ERC2: variants seen among roughly 807,000 people sequenced by gnomAD.
The protein encoded by ERC2 is ELKS/RAB6-interacting/CAST family member 2, also known as ERC protein 2.
Under a neutral mutation model 114.8 loss-of-function variants are expected in ERC2, and 42 were observed. That is an observed-to-expected ratio of 0.37 (90% CI 0.29 to 0.47). ERC2 has a LOEUF of 0.47. Among genes scored for constraint, ERC2 ranks in the 20% least tolerant of loss-of-function variants. The probability of loss-of-function intolerance (pLI) is 0.99; values close to 1 mark genes in which losing one functional copy is unlikely to be tolerated. For synonymous variants in ERC2, 454 were observed against 425.5 expected (o/e 1.07, Z -0.82); for missense variants, 939 against 1,150.7 (o/e 0.82, Z 2.66).
intron 17 of ERC2, among the ~76,000 whole-genome samples, chr3:55,558,340 G>C (rs2055766370): frequency 6.6e-6 from 1 of 152,200 alleles, no homozygotes; most frequent in Admixed American, 6.5e-5. Context: ...AAAGAACCCA[G>C]AGTGGGGAAA....
At chr3:56,077,706 T>C (rs907582804) in intron 7 of ERC2, among the ~76,000 whole-genome samples, 7 of 152,216 alleles carry the variant, frequency 4.6e-5, no homozygotes, top group African/African-American at 1.7e-4. Context: ...CCTGGTGTCA[T>C]CATCCTAAAA....
intron 17 of ERC2, among the ~76,000 whole-genome samples, chr3:55,572,151 G>A (rs775188762): frequency 6.6e-6 from 1 of 152,220 alleles, no homozygotes; most frequent in South Asian, 2.1e-4. Context: ...TCCAGCTAGC[G>A]AGGAAAACAA....
chr3:55,602,471 C>G (rs1426321739), intron 17 of ERC2, among the ~76,000 whole-genome samples: 1 of 152,164 alleles, frequency 6.6e-6, no homozygotes, highest in Non-Finnish European at 1.5e-5. Context: ...AGGAAAACAA[C>G]CAAAAACAGG....
Position 56,240,799 on chromosome 3 carries a change from C to T in ERC2, c.1074+55220G>A, listed in dbSNP as rs111345304. ...AATACTTGTAGAATAAATGGAAAAACGAATGACTTTACAAACAACTTTCTT... is the reference window on the plus strand; with the variant it reads ...AATACTTGTAGAATAAATGGAAAAATGAATGACTTTACAAACAACTTTCTT... On this transcript the variant is annotated intron_variant, in intron 3 of 17. Transcript: ENST00000288221. 5.1e-3 allele frequency among the ~76,000 whole-genome samples: 775 copies of T among 152,200 alleles called. 6 individuals carry two copies. The highest frequency in any genetic ancestry group is 0.018 in the African/African-American group (735 of 41,530).
At chr3:56,062,554 G>C (rs1576764196) in intron 7 of ERC2, among the ~76,000 whole-genome samples, 1 of 152,102 alleles carries the variant, frequency 6.6e-6, no homozygotes, top group Middle Eastern at 3.4e-3. Context: ...ATGATACAAG[G>C]CCCTTTTTTC....
intron 2 of ERC2, among the ~76,000 whole-genome samples, chr3:56,329,069 C>T (rs1253061690): frequency 6.6e-6 from 1 of 152,164 alleles, no homozygotes; most frequent in African/African-American, 2.4e-5. Flanking sequence ...TAGTCCACCT[C>T]CACCCTTGGT....
At position 56,466,709 on chromosome 3, in the gene ERC2, C is replaced by A. The variant is rs573582892; in HGVS notation, c.-141+1539G>T. Among the ~76,000 whole-genome samples the A allele has an allele frequency of 7.2e-5, 11 of 152,238 alleles. No homozygotes were observed. In the South Asian group the frequency reaches 1.7e-3, roughly 23 times the overall value. On this transcript the variant is annotated intron_variant, in intron 1 of 17. Coordinates refer to ENST00000288221, the MANE Select transcript of ERC2 (RefSeq NM_015576.3). ...AAGAATCCCTTCTATTCATGTGACT[C>A]CCCATAAAGAACGTTTGCCGGCTCC...
At chr3:55,621,651 C>A (rs2059334704) in intron 17 of ERC2, among the ~76,000 whole-genome samples, 1 of 152,152 alleles carries the variant, frequency 6.6e-6, no homozygotes. Context: ...TCATGCACAG[C>A]AAATTCTGGA....
intron 3 of ERC2, among the ~76,000 whole-genome samples, chr3:56,220,777 CT>C: frequency 6.6e-6 from 1 of 152,278 alleles, no homozygotes; most frequent in East Asian, 1.9e-4. Context: ...GGATGGTTGT[CT>C]GGGAAGTTGG....
chr3:55,528,265 C>T (rs1397828073), intron 17 of ERC2, among the ~76,000 whole-genome samples: 2 of 152,220 alleles, frequency 1.3e-5, no homozygotes, highest in Admixed American at 6.5e-5. Flanking sequence ...GAAGGCACAA[C>T]CAAGTGGCCC....
rs115780914 is a variant in ERC2 at position 55,623,055 on chromosome 3, T to C, written c.*39+60739A>G. Among the ~76,000 whole-genome samples the C allele has an allele frequency of 5.8e-3, 877 of 152,308 alleles. 8 individuals are homozygous for C. Among genetic ancestry groups the C allele is most frequent in the African/African-American group, 0.02 (826 of 41,568 alleles). On this transcript the variant is annotated intron_variant, in intron 17 of 17. Coordinates refer to ENST00000288221, the MANE Select transcript of ERC2 (RefSeq NM_015576.3). ...GCTGAGCAAAATTCCAGATAAAGAA[T>C]TCATGTTCTCTGATTTGTTCTCCAT... is the stretch of plus-strand genomic sequence containing the variant.
chr3:56,240,691 A>G (rs895850951), intron 3 of ERC2, among the ~76,000 whole-genome samples: 1 of 152,326 alleles, frequency 6.6e-6, no homozygotes, highest in African/African-American at 2.4e-5. Flanking sequence ...CTTAAAAATG[A>G]GTCATTTAAA....
intron 2 of ERC2, among the ~76,000 whole-genome samples, chr3:56,330,620 G>GAAAATCC: frequency 6.6e-6 from 1 of 152,248 alleles, no homozygotes; most frequent in South Asian, 2.1e-4. Flanking sequence ...TACCAAATTT[G>GAAAATCC]AAAATCCAAA....
intron 12 of ERC2, among the ~76,000 whole-genome samples, chr3:55,980,797 T>C (rs1316815989): frequency 1.3e-5 from 2 of 152,016 alleles, no homozygotes; most frequent in East Asian, 3.9e-4. Context: ...ACTTGGTATC[T>C]CTTATTCTGG....
At chr3:55,860,807 C>G (rs960959475) in intron 14 of ERC2, among the ~76,000 whole-genome samples, 2 of 152,096 alleles carry the variant, frequency 1.3e-5, no homozygotes, top group African/African-American at 4.8e-5. Context: ...AGTCCACACA[C>G]TAACAAAAAG....
intron 1 of ERC2, among the ~76,000 whole-genome samples, chr3:56,437,451 A>G (rs564487321): frequency 1.3e-5 from 2 of 152,366 alleles, no homozygotes; most frequent in South Asian, 2.1e-4. Flanking sequence ...TTACAGGATC[A>G]ATGGGTAACT....
chr3:55,588,007 C>A (rs1311181144), intron 17 of ERC2, among the ~76,000 whole-genome samples: 1 of 152,168 alleles, frequency 6.6e-6, no homozygotes, highest in Non-Finnish European at 1.5e-5. Context: ...CGCAAAACAG[C>A]CTTTTTCATT....
intron 12 of ERC2, among the ~76,000 whole-genome samples, chr3:55,984,305 A>G (rs2070403453): frequency 6.6e-6 from 1 of 152,248 alleles, no homozygotes; most frequent in East Asian, 1.9e-4. Flanking sequence ...AAAAAAACAA[A>G]AAAACTACCA....
At chr3:56,367,299 A>C (rs556175639) in intron 2 of ERC2, among the ~76,000 whole-genome samples, 1 of 152,022 alleles carries the variant, frequency 6.6e-6, no homozygotes, top group East Asian at 1.9e-4. Flanking sequence ...GAAGCCTCCA[A>C]ACAGCATTCT....
Sources: allele counts gnomAD v4.1 joint callset (sites outside exome capture counted in the v4.1 genomes callset), GRCh38; gene constraint gnomAD v4.1.1; transcripts MANE v1.5; gene names NCBI Gene and HGNC (gene_info 2026-07-23, HGNC 2026-07-21).